The following MGAT4C variants were observed in gnomAD, a reference collection of about 807,000 sequenced individuals.
The protein encoded by MGAT4C is alpha-1,3-mannosyl-glycoprotein 4-beta-N-acetylglucosaminyltransferase C.
Under a neutral mutation model 40.1 loss-of-function variants are expected in MGAT4C, and 19 were observed. The observed-to-expected ratio is 0.47, with a 90% CI of 0.33 to 0.70. The LOEUF (loss-of-function observed/expected upper bound fraction) is 0.70, where lower values mean the gene tolerates loss of function less well. Among genes scored for constraint, MGAT4C ranks in the 30% least tolerant of loss-of-function variants. The probability of loss-of-function intolerance (pLI) is 0.02; values close to 1 mark genes in which losing one functional copy is unlikely to be tolerated. For missense variants in MGAT4C, 491 were observed against 563.2 expected, an observed-to-expected ratio of 0.87 and a Z score of 1.30; for synonymous variants, 181 against 187.1, an observed-to-expected ratio of 0.97 and a Z score of 0.27.
chr12:86,631,849 G>A lies in MGAT4C; in HGVS notation c.-229+95360C>T, dbSNP rs1237065311. On this transcript the variant is annotated intron_variant, in intron 2 of 7. Coordinates refer to the MGAT4C transcript ENST00000548651. The stretch of plus-strand genomic sequence containing the variant: ...CCATTCAGGACATAGGCATGGGCAA[G>A]GACTTCATGTCTAAAACACCAAAAG... Among the ~76,000 whole-genome samples the A allele has an allele frequency of 2.0e-5, 3 of 151,994 alleles. No homozygotes were observed. The East Asian group carries it at 5.8e-4, about 29-fold the overall frequency.
chr12:85,965,112 T>G lies in MGAT4C; in HGVS notation c.*14177A>C, dbSNP rs192362568. The stretch of plus-strand genomic sequence containing the variant: ...TCCAATTAGAGTGAGGTGTTGAATA[T>G]TTATTTATTTGTTTATTTTTATTAT... On this transcript the variant is annotated 3_prime_UTR_variant, in exon 5 of 5. Coordinates refer to ENST00000611864, the MANE Select transcript of MGAT4C (RefSeq NM_001351288.2). 1 of 152,186 alleles carries G rather than the reference T, an allele frequency of 6.6e-6. No individual in the cohort carries two copies. Among genetic ancestry groups the G allele is most frequent in the Non-Finnish European group, 1.5e-5 (1 of 68,032 alleles). The allele number at this position is 152,186 out of a possible 1,614,324, so 9.4% of individuals were successfully genotyped here.
intron 4 of MGAT4C, among the ~76,000 whole-genome samples, chr12:86,283,911 G>A (rs1345452129): frequency 1.3e-5 from 2 of 152,090 alleles, no homozygotes; most frequent in East Asian, 3.8e-4. Flanking sequence ...CTAAGGCATT[G>A]CTGCCTCAAA....
chr12:86,678,900 G>A (rs1389694079), intron 2 of MGAT4C, among the ~76,000 whole-genome samples: 1 of 152,090 alleles, frequency 6.6e-6, no homozygotes, highest in Admixed American at 6.6e-5. Flanking sequence ...ACGTGTGCAT[G>A]TGTCTTTATA....
chr12:86,710,304 C>T (rs1176990627), intron 2 of MGAT4C, among the ~76,000 whole-genome samples: 1 of 152,136 alleles, frequency 6.6e-6, no homozygotes, highest in African/African-American at 2.4e-5. Flanking sequence ...TATTGTGCAA[C>T]CTTTCTAGTA....
intron 2 of MGAT4C, among the ~76,000 whole-genome samples, chr12:85,999,347 G>C (rs912852610): frequency 8.5e-5 from 13 of 152,086 alleles, no homozygotes; most frequent in African/African-American, 3.1e-4. Context: ...TTCTAAAACA[G>C]ACCTGATTTG....
At chr12:86,199,789 T>C (rs1276233642) in intron 1 of MGAT4C, among the ~76,000 whole-genome samples, 2 of 152,254 alleles carry the variant, frequency 1.3e-5, no homozygotes. Context: ...GTATCACTAA[T>C]GCCATATCAA....
intron 1 of MGAT4C, among the ~76,000 whole-genome samples, chr12:86,227,353 A>G (rs1474309677): frequency 6.6e-6 from 1 of 152,034 alleles, no homozygotes; most frequent in East Asian, 1.9e-4. Context: ...TCTGTTGCTA[A>G]GGTCCCAGTT....
intron 1 of MGAT4C, among the ~76,000 whole-genome samples, chr12:86,187,473 T>A (rs1228397834): frequency 6.6e-6 from 1 of 152,064 alleles, no homozygotes; most frequent in Non-Finnish European, 1.5e-5. Context: ...CCCTTTGCAT[T>A]ACTTTTTTCC....
At position 86,566,525 on chromosome 12, in the gene MGAT4C, CATATACATATATATATATATATAT is replaced by C. The variant is rs1455264743; in HGVS notation, c.-228-131284_-228-131261del. On this transcript the variant is annotated intron_variant, in intron 2 of 7. Transcript: ENST00000548651. ...CATGTGAGTTAATACTTAGTAAACTCATATACATATATATATATATATATATATATATATATATATATATATATA... is the reference window on the plus strand; with the variant it reads ...CATGTGAGTTAATACTTAGTAAACTCATATATATATATATATATATATATA... Among the ~76,000 whole-genome samples the C allele has an allele frequency of 7.5e-4, 53 of 70,968 alleles. 1 individual carries two copies. The highest frequency in any genetic ancestry group is 5.2e-3 in the South Asian group (8 of 1,530). The allele number at this position is 70,968 out of a possible 152,430, so 46.6% of individuals were successfully genotyped here. A position where few individuals can be genotyped will look rare whatever the true frequency, so the allele number is the denominator to read the frequency against.
intron 3 of MGAT4C, among the ~76,000 whole-genome samples, chr12:86,341,702 C>A (rs1235377536): frequency 6.6e-6 from 1 of 152,112 alleles, no homozygotes; most frequent in Non-Finnish European, 1.5e-5. Flanking sequence ...CTGAGCCAAC[C>A]CAGGGCAGAT....
chr12:86,206,497 A>G (rs1950260430), intron 1 of MGAT4C, among the ~76,000 whole-genome samples: 1 of 152,182 alleles, frequency 6.6e-6, no homozygotes, highest in African/African-American at 2.4e-5. Flanking sequence ...GTAAAGTATA[A>G]TAGGATAGAC....
chr12:86,451,491 T>G (rs530484386), intron 2 of MGAT4C, among the ~76,000 whole-genome samples: 186 of 152,322 alleles, frequency 1.2e-3, no homozygotes, highest in African/African-American at 4.3e-3. Flanking sequence ...TAGATTTTTT[T>G]CCTTTGTTTT....
chr12:86,085,863 T>C (rs1018563933), intron 1 of MGAT4C, among the ~76,000 whole-genome samples: 81 of 152,196 alleles, frequency 5.3e-4, no homozygotes, highest in African/African-American at 1.9e-3. Context: ...ACAGTTAGAA[T>C]GATGATCATT....
chr12:85,959,626 T>C lies in MGAT4C; in HGVS notation c.*19663A>G, dbSNP rs1883002780. The C allele has an allele frequency of 2.6e-5, 4 of 151,844 alleles. No individual in the cohort carries two copies. Among genetic ancestry groups the C allele is most frequent in the Admixed American group, 2.6e-4 (4 of 15,220 alleles). 9.4% of individuals were successfully genotyped at this position (151,844 alleles called of 1,614,324 possible). A position where few individuals can be genotyped will look rare whatever the true frequency, so the allele number is the denominator to read the frequency against. On this transcript the variant is annotated 3_prime_UTR_variant, in exon 5 of 5. Transcript: ENST00000611864. ...TTTAAATCTGACCCAGCCACTTGAA[T>C]AAATAAGTTGTGTTGTAGTTTCTCA...
intron 2 of MGAT4C, among the ~76,000 whole-genome samples, chr12:86,486,532 C>T (rs1269573445): frequency 6.6e-6 from 1 of 151,992 alleles, no homozygotes; most frequent in Non-Finnish European, 1.5e-5. Flanking sequence ...ACTTAACTAT[C>T]CTAAATATAT....
chr12:86,304,388 T>A (rs2136143036), intron 4 of MGAT4C, among the ~76,000 whole-genome samples: 1 of 150,666 alleles, frequency 6.6e-6, no homozygotes, highest in Non-Finnish European at 1.5e-5. Context: ...ATACTCTACT[T>A]TCTATCTGAT....
intron 3 of MGAT4C, among the ~76,000 whole-genome samples, chr12:86,338,982 A>AG (rs1954848250): frequency 6.8e-6 from 1 of 146,782 alleles, no homozygotes; most frequent in Admixed American, 6.8e-5. Flanking sequence ...AAAAAAAAAA[A>AG]CAGAGAGAAA....
At chr12:86,741,055 T>A (rs1179885702) in intron 1 of MGAT4C, among the ~76,000 whole-genome samples, 1 of 151,044 alleles carries the variant, frequency 6.6e-6, no homozygotes, top group African/African-American at 2.4e-5. Context: ...ATTATGTTCA[T>A]GTGTACTCAA....
At chr12:86,535,760 A>C (rs1387853689) in intron 2 of MGAT4C, among the ~76,000 whole-genome samples, 1 of 152,086 alleles carries the variant, frequency 6.6e-6, no homozygotes. Context: ...AATTGTTCCT[A>C]TGTGAATTTG....
Sources: gnomAD v4.1 joint callset for allele counts (sites outside exome capture counted in the v4.1 genomes callset) on GRCh38, gnomAD v4.1.1 for gene constraint, MANE v1.5 for transcripts, NCBI Gene and HGNC (gene_info 2026-07-23, HGNC 2026-07-21) for gene names.